The following ZNF721 variants were observed in gnomAD, a reference collection of about 807,000 sequenced individuals.
ZNF721 encodes zinc finger protein 721.
ZNF721 carries 2 observed loss-of-function variants against 2.4 expected under a neutral mutation model. That is an observed-to-expected ratio of 0.82 (90% CI 0.34 to 2.58). ZNF721 has a LOEUF of 2.58. Ranked by LOEUF, ZNF721 falls within the 30% of genes most tolerant of loss-of-function variation. The probability of loss-of-function intolerance (pLI) is 0.11; values close to 1 mark genes in which losing one functional copy is unlikely to be tolerated. For synonymous variants in ZNF721, 398 were observed against 381.8 expected (o/e 1.04, Z -0.50); for missense variants, 1,187 against 1,085.5 (o/e 1.09, Z -1.31).
In ZNF721 at chr4:493,465, G is replaced by A. The variant is rs188062781; in HGVS notation, c.-94+5591C>T. 1.2e-3 allele frequency among the ~76,000 whole-genome samples: 179 copies of A among 152,268 alleles called. 2 individuals carry two copies. The highest frequency in any genetic ancestry group is 2.5e-4 in the Non-Finnish European group (17 of 68,024). On this transcript the variant is annotated intron_variant, in intron 1 of 2. Transcript: ENST00000511833. ...AGGCCAAGGCAGGTGGGTCACCTACGGTCAGGAGTTCAAGACCAGCCTGGC... is the reference window on the plus strand; with the variant it reads ...AGGCCAAGGCAGGTGGGTCACCTACAGTCAGGAGTTCAAGACCAGCCTGGC...
intron 1 of ZNF721, 60 bp downstream of exon 1, chr4:498,996 T>C: frequency 3.1e-6 from 1 of 324,416 alleles, no homozygotes; most frequent in Non-Finnish European, 5.8e-6. Context: ...AGTACTGGGA[T>C]TAAAGGCGTG....
intron 1 of ZNF721, among the ~76,000 whole-genome samples, chr4:478,344 GT>G (rs1306517327): frequency 1.3e-5 from 2 of 151,690 alleles, no homozygotes; most frequent in African/African-American, 4.8e-5. Flanking sequence ...CTGTTACTTT[GT>G]TTTTTTTGCA....
At chr4:465,103 C>G (rs1453649665) in intron 2 of ZNF721, among the ~76,000 whole-genome samples, 2 of 149,580 alleles carry the variant, frequency 1.3e-5, no homozygotes, top group African/African-American at 2.4e-5. Context: ...AAAACAGCAG[C>G]TGGGCCTGAT....
chr4:481,950 GTTAC>G (rs1560242022), intron 1 of ZNF721, among the ~76,000 whole-genome samples: 2 of 152,152 alleles, frequency 1.3e-5, no homozygotes, highest in South Asian at 2.1e-4. Context: ...CATATAAAAT[GTTAC>G]TTAATTTGAT....
At chr4:447,020 CA>C (rs1396547117) in intron 2 of ZNF721, among the ~76,000 whole-genome samples, 1 of 152,080 alleles carries the variant, frequency 6.6e-6, no homozygotes, top group Non-Finnish European at 1.5e-5. Flanking sequence ...TCGTTTTTAC[CA>C]GTTTAAAATA....
At chr4:463,319 T>C (rs181216826) in intron 2 of ZNF721, among the ~76,000 whole-genome samples, 28 of 152,294 alleles carry the variant, frequency 1.8e-4, no homozygotes, top group Non-Finnish European at 3.8e-4. Flanking sequence ...GAGTGTAAGT[T>C]AGTTCAATCA....
In ZNF721 at chr4:448,256, T is replaced by G. The variant is rs116964216; in HGVS notation, c.35-3824A>C. 2.7e-3 allele frequency among the ~76,000 whole-genome samples: 405 copies of G among 151,990 alleles called. 10 individuals carry two copies. The East Asian group carries it at 0.027, about 10-fold the overall frequency. Reference sequence around the variant, plus strand: ...ATGTAGAATAAAAGAAAGAAAACTATAAACCCCGTCTCTACTAAAAATACA... The same window carrying G: ...ATGTAGAATAAAAGAAAGAAAACTAGAAACCCCGTCTCTACTAAAAATACA... On this transcript the variant is annotated intron_variant, in intron 2 of 2. Transcript: ENST00000511833.
At chr4:474,144 G>T (rs1409415796) in intron 1 of ZNF721, 2 of 807,332 alleles carry the variant, frequency 2.5e-6, no homozygotes, top group Non-Finnish European at 3.6e-6. Flanking sequence ...TGAAGCAACA[G>T]GCCAAGGCCG....
At position 440,225 on chromosome 4, in the gene ZNF721, G is replaced by A. The variant is rs946280873; in HGVS notation, c.*1470C>T. ...GCCTCTCTGCTCAGATTTTCCTGGT[G>A]CATCTTTTATTTCTCTTCTCTTTCA... On this transcript the variant is annotated 3_prime_UTR_variant, in exon 3 of 3. Coordinates refer to ENST00000511833, the MANE Select transcript of ZNF721 (RefSeq NM_133474.4). The A allele has an allele frequency of 6.6e-6, 1 of 152,100 alleles. No homozygotes were observed. The highest frequency in any genetic ancestry group is 1.9e-4 in the East Asian group (1 of 5,194). The allele number at this position is 152,100 out of a possible 1,614,324, so 9.4% of individuals were successfully genotyped here.
intron 1 of ZNF721, among the ~76,000 whole-genome samples, chr4:491,177 C>G (rs889022164): frequency 1.3e-5 from 2 of 152,144 alleles, no homozygotes; most frequent in Admixed American, 6.5e-5. Context: ...CATGTAACCC[C>G]AGCACTTTGG....
chr4:473,255 T>C (rs1053841212), intron 1 of ZNF721, among the ~76,000 whole-genome samples: 2 of 152,114 alleles, frequency 1.3e-5, no homozygotes, highest in Admixed American at 1.3e-4. Context: ...GTCCATGAGT[T>C]AGCGTCTTTT....
chr4:473,744 C>G (rs1369496249), intron 1 of ZNF721, among the ~76,000 whole-genome samples: 1 of 152,214 alleles, frequency 6.6e-6, no homozygotes, highest in Non-Finnish European at 1.5e-5. Flanking sequence ...ACCCCACAGC[C>G]CGGGGAAGGT....
chr4:453,741 A>G (rs1464632732), intron 2 of ZNF721: 1 of 152,230 alleles, frequency 6.6e-6, no homozygotes, highest in African/African-American at 2.4e-5. Context: ...CGTCCGTGAC[A>G]ACATTTCTGA....
rs782308198 is a variant in ZNF721, at chr4:441,747, T to C, written c.2720A>G (p.Asn907Ser). Residue 907 changes from asparagine to serine, a missense_variant, in exon 3 of 3, where the codon AAT becomes AGT. Physicochemically the swap from Asn to Ser is conservative, Grantham distance 46 (BLOSUM62 1). Coordinates refer to ENST00000511833, the MANE Select transcript of ZNF721 (RefSeq NM_133474.4). ...ATGAATTTTCTTATGTGCATAAAGA[T>C]TTGCAGACTGTCTAAAGGTTTTGCC... ...DCGKTFRQSA[N>S]LYAHKKIHTG... 6.2e-7 allele frequency: 1 copy of C among 1,613,444 alleles called. No individual in the cohort carries two copies. The highest frequency in any genetic ancestry group is 8.5e-7 in the Non-Finnish European group (1 of 1,179,704).
chr4:469,344 TAACA>T (rs1715356471), intron 2 of ZNF721, among the ~76,000 whole-genome samples: 1 of 152,042 alleles, frequency 6.6e-6, no homozygotes, highest in Non-Finnish European at 1.5e-5. Flanking sequence ...AAAATAAATT[TAACA>T]AATGAAATAA....
chr4:467,072 AT>A (rs1715275692), intron 2 of ZNF721, among the ~76,000 whole-genome samples: 1 of 151,904 alleles, frequency 6.6e-6, no homozygotes, highest in Non-Finnish European at 1.5e-5. Context: ...CAAAAAAAAA[AT>A]TAGCCGGGCG....
At chr4:469,398 T>C (rs1325550234) in intron 2 of ZNF721, among the ~76,000 whole-genome samples, 2 of 152,166 alleles carry the variant, frequency 1.3e-5, no homozygotes, top group East Asian at 1.9e-4. Context: ...CAAAATCTAG[T>C]GTATAACAAT....
At chr4:455,732 G>A (rs964432538) in intron 2 of ZNF721, among the ~76,000 whole-genome samples, 3 of 151,920 alleles carry the variant, frequency 2.0e-5, no homozygotes, top group African/African-American at 7.3e-5. Context: ...TGAAGAAAAA[G>A]AAAAAAATGG....
chr4:466,169 A>G (rs918766356), intron 2 of ZNF721, among the ~76,000 whole-genome samples: 3 of 150,300 alleles, frequency 2.0e-5, no homozygotes. Context: ...CCTTTACCTA[A>G]TGATTTCTGT....
Sources: allele counts gnomAD v4.1 joint callset (sites outside exome capture counted in the v4.1 genomes callset), GRCh38; gene constraint gnomAD v4.1.1; transcripts MANE v1.5; gene names NCBI Gene and HGNC (gene_info 2026-07-23, HGNC 2026-07-21).